The following MED29 variants were observed in gnomAD, a reference collection of about 807,000 sequenced individuals.
The protein encoded by MED29 is mediator complex subunit 29, also known as mediator of RNA polymerase II transcription subunit 29.
MED29 carries 14 observed loss-of-function variants against 22.0 expected under a neutral mutation model. The ratio of observed to expected loss-of-function variants is 0.64; its 90% CI spans 0.42 to 0.99. MED29 has a LOEUF of 0.99. MED29 is among the 50% of genes least tolerant of loss of function. The pLI is 0.00. For synonymous variants in MED29, 123 were observed against 107.8 expected (o/e 1.14, Z -0.87); for missense variants, 241 against 253.7 (o/e 0.95, Z 0.34).
At chr19:39,393,233 C>T (rs1030792601) in intron 2 of MED29, among the ~76,000 whole-genome samples, 10 of 151,496 alleles carry the variant, frequency 6.6e-5, no homozygotes, top group East Asian at 1.9e-4. Context: ...GTAGCTGGGA[C>T]TACAGGCGCG....
At position 39,397,555 on chromosome 19, in the gene MED29, C is replaced by G. The variant is rs765346484; in HGVS notation, c.459C>G (p.Asp153Glu). 3 of 1,613,666 alleles carry G rather than the reference C, an allele frequency of 1.9e-6. No homozygotes were observed. Among genetic ancestry groups the G allele is most frequent in the Non-Finnish European group, 2.5e-6 (3 of 1,180,020 alleles). The change falls in exon 4 of 4, where the codon GAC becomes GAG. Residue 153 changes from aspartate (D) to glutamate (E), a missense_variant. Transcript: ENST00000315588. The part of the protein sequence containing the change: ...TATKPDAVQP[D>E]SLPYPQYLAV... ...CCAAGCCCGACGCAGTGCAGCCTGA[C>G]AGCCTCCCCTACCCACAGTACCTGG...
Position 39,398,976 on chromosome 19 carries a change from C to T in MED29, c.*1277C>T, listed in dbSNP as rs1228260938. ...CCAGGAAATTCCTCCCCTTATTCTT[C>T]CTTGAAGTGCCCGAGCATGTAGGGC... On this transcript the variant is annotated 3_prime_UTR_variant, in exon 4 of 4. Transcript: ENST00000315588. The T allele has an allele frequency of 2.0e-5, 3 of 152,190 alleles. No individual in the cohort carries two copies. The highest frequency in any genetic ancestry group is 7.2e-5 in the African/African-American group (3 of 41,444). 9.4% of individuals were successfully genotyped at this position (152,190 alleles called of 1,614,324 possible).
chr19:39,397,865 C>G lies in MED29; in HGVS notation c.*166C>G. On this transcript the variant is annotated 3_prime_UTR_variant, in exon 4 of 4. Coordinates refer to ENST00000315588, the MANE Select transcript of MED29 (RefSeq NM_017592.4). ...CCAACAGGGAGCTCGCAGGCCGGGC[C>G]CCTGCGTCCCTGCCCCTTCTTCCTG... 1 of 1,126,118 alleles carries G rather than the reference C, an allele frequency of 8.9e-7. No individual in the cohort carries two copies. Among genetic ancestry groups the G allele is most frequent in the Non-Finnish European group, 1.2e-6 (1 of 812,064 alleles). 69.8% of individuals were successfully genotyped at this position (1,126,118 alleles called of 1,614,324 possible). A position where few individuals can be genotyped will look rare whatever the true frequency, so the allele number is the denominator to read the frequency against.
At chr19:39,394,975 C>G (rs1371223560) in intron 3 of MED29, among the ~76,000 whole-genome samples, 2 of 108,322 alleles carry the variant, frequency 1.8e-5, no homozygotes, top group Non-Finnish European at 1.8e-5. Flanking sequence ...ATCCTCCCAC[C>G]TCAAAGTAGC....
intron 2 of MED29, 78 bp from the exon 3 acceptor site, chr19:39,393,475 G>A: frequency 7.6e-7 from 1 of 1,317,004 alleles, no homozygotes; most frequent in Non-Finnish European, 1.1e-6. Flanking sequence ...TTTCCTGATG[G>A]ACACTTGGTT....
At chr19:39,395,873 C>T (rs1027426214) in intron 3 of MED29, among the ~76,000 whole-genome samples, 5 of 151,796 alleles carry the variant, frequency 3.3e-5, no homozygotes, top group Non-Finnish European at 5.9e-5. Context: ...GCCGAGATCG[C>T]ACCACTGCAC....
In MED29 at chr19:39,397,725, C is replaced by T; in HGVS notation, c.*26C>T. ...AGTGGGGGACAGGGAGTGGGGCAGG[C>T]AGTGGTTGGTGGGTGGTGTGCAAAG... is the stretch of plus-strand genomic sequence containing the variant. On this transcript the variant is annotated 3_prime_UTR_variant, in exon 4 of 4. Transcript: ENST00000315588. 6.3e-7 allele frequency: 1 copy of T among 1,597,604 alleles called. No individual in the cohort carries two copies. Among genetic ancestry groups the T allele is most frequent in the Non-Finnish European group, 8.5e-7 (1 of 1,175,774 alleles).
In MED29 at chr19:39,400,310, G is replaced by C. The variant is rs2078455296; in HGVS notation, c.*2611G>C. 6.6e-6 allele frequency: 1 copy of C among 152,226 alleles called. No individual in the cohort carries two copies. 9.4% of individuals were successfully genotyped at this position (152,226 alleles called of 1,614,324 possible). ...TGGGAGGATGCCTTGAGCTTGAGAGGTTGAAGCTGCAGTGAGCTGTGATCG... is the reference window on the plus strand; with the variant it reads ...TGGGAGGATGCCTTGAGCTTGAGAGCTTGAAGCTGCAGTGAGCTGTGATCG... On this transcript the variant is annotated 3_prime_UTR_variant, in exon 4 of 4. Transcript: ENST00000315588.
Position 39,397,910 on chromosome 19 carries a change from G to A in MED29, c.*211G>A, listed in dbSNP as rs995157189. ...TTCCTGCTCCCCCTCCTAGCCTAGG[G>A]TAGACTTTGAACTGTGTGTGTTGAT... On this transcript the variant is annotated 3_prime_UTR_variant, in exon 4 of 4. Coordinates refer to ENST00000315588, the MANE Select transcript of MED29 (RefSeq NM_017592.4). 2.6e-6 allele frequency: 2 copies of A among 777,764 alleles called. No homozygotes were observed. Among genetic ancestry groups the A allele is most frequent in the African/African-American group, 1.7e-5 (1 of 57,294 alleles). The allele number at this position is 777,764 out of a possible 1,614,324, so 48.2% of individuals were successfully genotyped here. A position where few individuals can be genotyped will look rare whatever the true frequency, so the allele number is the denominator to read the frequency against.
intron 2 of MED29, 72 bp downstream of exon 2, chr19:39,392,594 G>C: frequency 7.6e-7 from 1 of 1,309,990 alleles, no homozygotes. Flanking sequence ...TCCTTCTCCT[G>C]CTCCCCGCCC....
intron 3 of MED29, among the ~76,000 whole-genome samples, chr19:39,395,385 T>C (rs2078422733): frequency 6.6e-6 from 1 of 152,094 alleles, no homozygotes; most frequent in South Asian, 2.1e-4. Flanking sequence ...TTTTTAGGAA[T>C]ATACCTCTGG....
intron 1 of MED29, 90 bp downstream of exon 1, chr19:39,391,728 C>A: frequency 6.9e-7 from 1 of 1,440,520 alleles, no homozygotes; most frequent in Non-Finnish European, 9.3e-7. Context: ...GAGCGCTAAG[C>A]AGAAAGAGGA....
chr19:39,396,544 G>C (rs1178415517), intron 3 of MED29, among the ~76,000 whole-genome samples: 4 of 151,790 alleles, frequency 2.6e-5, no homozygotes, highest in Non-Finnish European at 4.4e-5. Flanking sequence ...TGGCCAATAT[G>C]GTGAAATCCC....
intron 3 of MED29, among the ~76,000 whole-genome samples, chr19:39,394,296 C>T (rs1386715374): frequency 6.6e-6 from 1 of 152,104 alleles, no homozygotes; most frequent in African/African-American, 2.4e-5. Flanking sequence ...GACAGTCTCA[C>T]CATCACCCAG....
chr19:39,393,513 G>C, intron 2 of MED29, 40 bp from the exon 3 acceptor site: 8 of 1,585,630 alleles, frequency 5.0e-6, no homozygotes, highest in African/African-American at 1.3e-5. Flanking sequence ...CCAAAGATTA[G>C]AAATCAATTC....
chr19:39,392,720 GAGTT>G (rs1043677698), intron 2 of MED29, 198 bp downstream of exon 2: 1 of 537,368 alleles, frequency 1.9e-6, no homozygotes, highest in Non-Finnish European at 3.2e-6. Context: ...TTGAACACCT[GAGTT>G]AGGAGATCCT....
chr19:39,391,910 A>G (rs1288700024), intron 1 of MED29, among the ~76,000 whole-genome samples: 1 of 152,134 alleles, frequency 6.6e-6, no homozygotes, highest in East Asian at 1.9e-4. Context: ...CTGTAATTAC[A>G]GCTACTCGGG....
At chr19:39,393,070 T>C (rs1250090923) in intron 2 of MED29, among the ~76,000 whole-genome samples, 1 of 106,562 alleles carries the variant, frequency 9.4e-6, no homozygotes, top group Non-Finnish European at 1.8e-5. Context: ...CTTTCTTTCT[T>C]TCTTTCTTTT....
intron 2 of MED29, among the ~76,000 whole-genome samples, chr19:39,393,124 C>G (rs1369760674): frequency 1.0e-5 from 1 of 97,918 alleles, no homozygotes; most frequent in African/African-American, 3.9e-5. Flanking sequence ...GAGACAGAGT[C>G]TTGCTCTGTC....
Sources: allele counts gnomAD v4.1 joint callset (sites outside exome capture counted in the v4.1 genomes callset), GRCh38; gene constraint gnomAD v4.1.1; transcripts MANE v1.5; gene names NCBI Gene and HGNC (gene_info 2026-07-23, HGNC 2026-07-21).